The following NEURL1B variants were observed in gnomAD, a reference collection of about 807,000 sequenced individuals.
NEURL1B encodes the protein E3 ubiquitin-protein ligase NEURL1B.
A neutral mutation model predicts 37.4 loss-of-function variants in NEURL1B; 13 were observed. The ratio of observed to expected loss-of-function variants is 0.35; its 90% CI spans 0.23 to 0.55. The LOEUF is 0.55. Among genes scored for constraint, NEURL1B ranks in the 20% least tolerant of loss-of-function variants. NEURL1B has a pLI of 0.89. For missense variants in NEURL1B, 790 were observed against 879.2 expected, an observed-to-expected ratio of 0.90 and a Z score of 1.28; for synonymous variants, 432 against 426.6, an observed-to-expected ratio of 1.01 and a Z score of -0.16.
In NEURL1B at chr5:172,661,235, A is replaced by G. The variant is rs1045941877; in HGVS notation, c.32-8550A>G. Reference sequence around the variant, plus strand: ...ACGCATGTTATAAAGGTCCAGGTCCAGGAAGCCCCTGAAGTTGAATATCAG... The same window carrying G: ...ACGCATGTTATAAAGGTCCAGGTCCGGGAAGCCCCTGAAGTTGAATATCAG... On this transcript the variant is annotated intron_variant, in intron 1 of 4. Coordinates refer to ENST00000369800, the MANE Select transcript of NEURL1B (RefSeq NM_001142651.3). The surrounding 1 kb of genome is among the most constrained non-coding windows in gnomAD (Gnocchi z 4.0). Among the ~76,000 whole-genome samples, 1 of 152,210 alleles carries G rather than the reference A, an allele frequency of 6.6e-6. No individual in the cohort carries two copies. The highest frequency in any genetic ancestry group is 1.5e-5 in the Non-Finnish European group (1 of 68,036).
At chr5:172,662,885 A>G (rs1436898467) in intron 1 of NEURL1B, among the ~76,000 whole-genome samples, 1 of 151,984 alleles carries the variant, frequency 6.6e-6, no homozygotes, top group Middle Eastern at 3.2e-3. Flanking sequence ...AACTGCTGGA[A>G]AGACACTGCC....
chr5:172,684,211 T>G, intron 3 of NEURL1B, 73 bp downstream of exon 3: 21 of 1,062,298 alleles, frequency 2.0e-5, no homozygotes, highest in East Asian at 4.4e-5. Context: ...CGCTGCGCTC[T>G]TCCCCGGCCC....
intron 1 of NEURL1B, among the ~76,000 whole-genome samples, chr5:172,653,261 T>A (rs1561642234): frequency 1.3e-5 from 2 of 152,226 alleles, no homozygotes. Flanking sequence ...ACTGAGAAAC[T>A]TCCTTTAGCA....
At chr5:172,679,619 T>A (rs1758306116) in intron 2 of NEURL1B, among the ~76,000 whole-genome samples, 1 of 152,226 alleles carries the variant, frequency 6.6e-6, no homozygotes, top group African/African-American at 2.4e-5. Context: ...CAAAGCTCCT[T>A]CCACAAAGAA....
Position 172,661,555 on chromosome 5 carries a change from C to T in NEURL1B, c.32-8230C>T, listed in dbSNP as rs1368667956. ...CTGCAGAGTTTTCCTGAAGATTAAA[C>T]CCAATAAACCAAGACATGTACCCAC... On this transcript the variant is annotated intron_variant, in intron 1 of 4. Transcript: ENST00000369800. This position sits in a 1 kb window ranked among gnomAD's most constrained non-coding sequence, Gnocchi z 4.0. Among the ~76,000 whole-genome samples, 1 of 152,200 alleles carries T rather than the reference C, an allele frequency of 6.6e-6. No individual in the cohort carries two copies. Among genetic ancestry groups the T allele is most frequent in the Non-Finnish European group, 1.5e-5 (1 of 68,042 alleles).
chr5:172,671,777 C>T (rs1451228746), intron 2 of NEURL1B, among the ~76,000 whole-genome samples: 1 of 152,248 alleles, frequency 6.6e-6, no homozygotes, highest in Non-Finnish European at 1.5e-5. Flanking sequence ...TCTTGATCCT[C>T]TACCTCATCC....
rs770388406 is a variant in NEURL1B at position 172,683,651 on chromosome 5, G to A, written c.810G>A (p.Ala270=). ...GGCCCCGTGAGCGCCCGCGGCCCGCGTCGTCGCCGGCGCTACTGGAGGCCG... is the reference window on the plus strand; with the variant it reads ...GGCCCCGTGAGCGCCCGCGGCCCGCATCGTCGCCGGCGCTACTGGAGGCCG... ...PCGPRERPRP[A]SSPALLEADL... Residue 270 remains alanine (A), a synonymous_variant, in exon 3 of 5, where the codon GCG becomes GCA. Coordinates refer to ENST00000369800, the MANE Select transcript of NEURL1B (RefSeq NM_001142651.3). The surrounding 1 kb of genome is among the most constrained non-coding windows in gnomAD (Gnocchi z 5.6). The A allele has an allele frequency of 1.2e-4, 156 of 1,257,026 alleles. 2 individuals are homozygous for A. The East Asian group carries it at 6.1e-3, about 49-fold the overall frequency. 77.9% of individuals were successfully genotyped at this position (1,257,026 alleles called of 1,614,324 possible).
At position 172,686,226 on chromosome 5, in the gene NEURL1B, C is replaced by T. The variant is rs1174902432; in HGVS notation, c.1353C>T (p.Ser451=). 6.4e-7 allele frequency: 1 copy of T among 1,551,688 alleles called. No individual in the cohort carries two copies. Among genetic ancestry groups the T allele is most frequent in the East Asian group, 2.4e-5 (1 of 40,912 alleles). Reference sequence around the variant, plus strand: ...CTCCATCAGGGTCCCTCAGCGGCTCCCAGGACGATAGTGATTCAGATATGA... The same window carrying T: ...CTCCATCAGGGTCCCTCAGCGGCTCTCAGGACGATAGTGATTCAGATATGA... ...TTTPSGSLSG[S]QDDSDSDMTF... Residue 451 remains serine, a synonymous_variant, in exon 4 of 5, where the codon TCC becomes TCT. Coordinates refer to ENST00000369800, the MANE Select transcript of NEURL1B (RefSeq NM_001142651.3). This position sits in a 1 kb window ranked among gnomAD's most constrained non-coding sequence, Gnocchi z 7.9.
chr5:172,674,473 G>A (rs548709730), intron 2 of NEURL1B, among the ~76,000 whole-genome samples: 14 of 152,180 alleles, frequency 9.2e-5, no homozygotes, highest in South Asian at 4.2e-4. Context: ...CCACCAAGAC[G>A]GTCAGTGGCA....
At chr5:172,678,966 T>TTGGGAGAG (rs1263301441) in intron 2 of NEURL1B, among the ~76,000 whole-genome samples, 12 of 152,348 alleles carry the variant, frequency 7.9e-5, no homozygotes, top group Non-Finnish European at 1.6e-4. Flanking sequence ...TGGAAGTGGC[T>TTGGGAGAG]TGGGAGAGTG....
chr5:172,651,052 G>A (rs745494219), intron 1 of NEURL1B, among the ~76,000 whole-genome samples: 4 of 152,248 alleles, frequency 2.6e-5, no homozygotes, highest in Middle Eastern at 3.4e-3. Context: ...GTAGATAATC[G>A]AAAAAGGTTG....
At chr5:172,656,646 T>C (rs1757784269) in intron 1 of NEURL1B, 2 of 1,598,012 alleles carry the variant, frequency 1.3e-6, no homozygotes, top group Non-Finnish European at 8.5e-7. Flanking sequence ...ATCTTCCTCG[T>C]CCATCTCCTT....
In NEURL1B at chr5:172,647,642, G is replaced by T. The variant is rs1757583855; in HGVS notation, c.31+6205G>T. Among the ~76,000 whole-genome samples the T allele has an allele frequency of 6.6e-6, 1 of 152,060 alleles. No homozygotes were observed. Among genetic ancestry groups the T allele is most frequent in the Admixed American group, 6.5e-5 (1 of 15,268 alleles). ...CCCTTATTGCAGGTGCACTCCCTTT[G>T]CCCTCTGAAGATGAATTACTTCTGT... On this transcript the variant is annotated intron_variant, in intron 1 of 4. Coordinates refer to ENST00000369800, the MANE Select transcript of NEURL1B (RefSeq NM_001142651.3). The surrounding 1 kb of genome is among the most constrained non-coding windows in gnomAD (Gnocchi z 4.2).
At position 172,686,318 on chromosome 5, in the gene NEURL1B, C is replaced by T. The variant is rs925148628; in HGVS notation, c.1423+22C>T. On this transcript the variant is annotated intron_variant, in intron 4 of 4. Transcript: ENST00000369800. The surrounding 1 kb of genome is among the most constrained non-coding windows in gnomAD (Gnocchi z 7.9). ...CTGGGTAAGGAAATGCAAACCCTGG[C>T]AGGGGCAGGGGCTGGCGGCTGGCCT... The T allele has an allele frequency of 1.3e-6, 2 of 1,550,604 alleles. No homozygotes were observed. Among genetic ancestry groups the T allele is most frequent in the Admixed American group, 2.0e-5 (1 of 50,972 alleles).
intron 1 of NEURL1B, chr5:172,656,772 C>T (rs1433585321): frequency 1.4e-6 from 1 of 719,370 alleles, no homozygotes; most frequent in Non-Finnish European, 2.4e-6. Context: ...AAGAATTGAA[C>T]ACACTGACAT....
chr5:172,679,781 G>A (rs541275763), intron 2 of NEURL1B, among the ~76,000 whole-genome samples: 7 of 152,326 alleles, frequency 4.6e-5, no homozygotes, highest in African/African-American at 1.4e-4. Context: ...TGGAGAACCT[G>A]CCCGGCCACA....
At chr5:172,656,506 C>T (rs556200007) in intron 1 of NEURL1B, 2 of 1,604,694 alleles carry the variant, frequency 1.2e-6, no homozygotes, top group African/African-American at 2.7e-5. Flanking sequence ...TCTCCTCAGG[C>T]ACAAGGAACA....
chr5:172,644,322 C>G (rs1012643568), intron 1 of NEURL1B, among the ~76,000 whole-genome samples: 2 of 152,142 alleles, frequency 1.3e-5, no homozygotes, highest in African/African-American at 4.8e-5. Context: ...ACACAGTTCA[C>G]CTAGTTGGCA....
At chr5:172,670,682 C>G (rs1026708324) in intron 2 of NEURL1B, among the ~76,000 whole-genome samples, 1 of 152,228 alleles carries the variant, frequency 6.6e-6, no homozygotes, top group Non-Finnish European at 1.5e-5. Flanking sequence ...CATTCCTTCA[C>G]TTCCTAGTTT....
Sources: gnomAD v4.1 joint callset for allele counts (sites outside exome capture counted in the v4.1 genomes callset) on GRCh38, gnomAD v4.1.1 for gene constraint, Gnocchi (gnomAD v3.1) non-coding constraint, MANE v1.5 for transcripts, NCBI Gene and HGNC (gene_info 2026-07-23, HGNC 2026-07-21) for gene names.